PLBD1: variants seen among roughly 807,000 people sequenced by gnomAD.
PLBD1 encodes the protein lysosomal leucine aminopeptidase.
PLBD1 carries 60 observed loss-of-function variants against 63.0 expected under a neutral mutation model. The ratio of observed to expected loss-of-function variants is 0.95; its 90% CI spans 0.77 to 1.18. PLBD1 has a LOEUF of 1.18. PLBD1 is among the 50% of genes most tolerant of loss of function. The probability of loss-of-function intolerance (pLI) is 0.00; values close to 1 mark genes in which losing one functional copy is unlikely to be tolerated. For missense variants in PLBD1, 598 were observed against 677.9 expected, an observed-to-expected ratio of 0.88 and a Z score of 1.31; for synonymous variants, 262 against 248.0, an observed-to-expected ratio of 1.06 and a Z score of -0.53.
rs1233168890 is a variant in PLBD1 at position 14,511,791 on chromosome 12, T to C, written c.845-80A>G. On this transcript the variant is annotated intron_variant, in intron 6 of 10. Coordinates refer to ENST00000240617, the MANE Select transcript of PLBD1 (RefSeq NM_024829.6). Reference sequence around the variant, plus strand: ...ATCATTATTGACAAAGAGCTTTACATACACAATGCATTTTGCAAAGTGTAT... The same window carrying C: ...ATCATTATTGACAAAGAGCTTTACACACACAATGCATTTTGCAAAGTGTAT... The C allele has an allele frequency of 4.4e-6, 6 of 1,355,004 alleles. 1 individual carries two copies. The South Asian group carries it at 6.1e-5, about 14-fold the overall frequency. The allele number at this position is 1,355,004 out of a possible 1,614,324, so 83.9% of individuals were successfully genotyped here.
intron 6 of PLBD1, among the ~76,000 whole-genome samples, chr12:14,526,457 A>G (rs1187091662): frequency 6.6e-6 from 1 of 152,204 alleles, no homozygotes; most frequent in Non-Finnish European, 1.5e-5. Flanking sequence ...TAGGTTTTAG[A>G]AAATCAAATG....
rs74761268 is a variant in PLBD1, at chr12:14,541,908, T to C, written c.419+300A>G. ...CCTGAAAAAAGGAGAAGGGCCTCCATGAGGAACAGACCCAGGGACTTAACA... is the reference window on the plus strand; with the variant it reads ...CCTGAAAAAAGGAGAAGGGCCTCCACGAGGAACAGACCCAGGGACTTAACA... On this transcript the variant is annotated intron_variant, in intron 3 of 10. Transcript: ENST00000240617. Among the ~76,000 whole-genome samples the C allele has an allele frequency of 2.8e-3, 429 of 152,324 alleles. 3 individuals carry two copies. The highest frequency in any genetic ancestry group is 9.4e-3 in the African/African-American group (391 of 41,578).
intron 2 of PLBD1, among the ~76,000 whole-genome samples, chr12:14,545,935 C>T (rs1319234424): frequency 6.6e-6 from 1 of 152,022 alleles, no homozygotes; most frequent in East Asian, 1.9e-4. Context: ...CTTTCTACCA[C>T]CTCTTAATAC....
At chr12:14,555,298 G>A (rs1314183614) in intron 1 of PLBD1, among the ~76,000 whole-genome samples, 3 of 152,124 alleles carry the variant, frequency 2.0e-5, no homozygotes, top group Non-Finnish European at 4.4e-5. Context: ...AGCACTTTGG[G>A]AGACCAAGGA....
At chr12:14,531,366 A>C (rs1325415720) in intron 6 of PLBD1, among the ~76,000 whole-genome samples, 3 of 152,184 alleles carry the variant, frequency 2.0e-5, no homozygotes, top group African/African-American at 4.8e-5. Context: ...TTGCCTCTGC[A>C]GTTCCCTAAC....
rs528613634 is a variant in PLBD1, at chr12:14,549,135, C to T, written c.335+4058G>A. Among the ~76,000 whole-genome samples, 4 of 152,310 alleles carry T rather than the reference C, an allele frequency of 2.6e-5. No individual in the cohort carries two copies. In the South Asian group the frequency reaches 6.2e-4, roughly 24 times the overall value. On this transcript the variant is annotated intron_variant, in intron 2 of 10. Transcript: ENST00000240617. Reference sequence around the variant, plus strand: ...TCACACTCCATTACATGGAAATATACCTCATACTTAGAATTTGTTTCTAAT... The same window carrying T: ...TCACACTCCATTACATGGAAATATATCTCATACTTAGAATTTGTTTCTAAT...
At chr12:14,544,009 C>T (rs1023341099) in intron 2 of PLBD1, among the ~76,000 whole-genome samples, 1 of 90,952 alleles carries the variant, frequency 1.1e-5, no homozygotes, top group Non-Finnish European at 2.6e-5. Context: ...ATCTTGGTAT[C>T]TTCTGACACT....
At chr12:14,544,020 A>ATTGCTGATGATCAGCAATATGC (rs78975968) in intron 2 of PLBD1, among the ~76,000 whole-genome samples, 45,063 of 151,662 alleles carry the variant, frequency 0.3, 7,233 homozygotes, top group East Asian at 0.56. Context: ...TTCTGACACT[A>ATTGCTGATGATCAGCAATATGC]TTGCTGATGA....
At chr12:14,553,718 C>T in intron 1 of PLBD1, 1 of 419,648 alleles carries the variant, frequency 2.4e-6, no homozygotes, top group Non-Finnish European at 4.4e-6. Flanking sequence ...GGAGCTGGAC[C>T]TTACGCCTAC....
At chr12:14,546,796 C>T (rs1466078709) in intron 2 of PLBD1, among the ~76,000 whole-genome samples, 1 of 152,188 alleles carries the variant, frequency 6.6e-6, no homozygotes, top group East Asian at 1.9e-4. Flanking sequence ...AGGATGTCTA[C>T]TATATAACCA....
intron 1 of PLBD1, among the ~76,000 whole-genome samples, chr12:14,564,009 G>A (rs915376475): frequency 4.6e-5 from 7 of 152,232 alleles, no homozygotes; most frequent in Non-Finnish European, 8.8e-5. Context: ...AAATGAACCT[G>A]TGGGAGGATC....
chr12:14,516,256 G>A (rs1291691300), intron 6 of PLBD1, among the ~76,000 whole-genome samples: 1 of 152,186 alleles, frequency 6.6e-6, no homozygotes, highest in Non-Finnish European at 1.5e-5. Context: ...TTGAACCCAG[G>A]AGGCGGAGGC....
chr12:14,505,242 T>C (rs1945244309), intron 10 of PLBD1, among the ~76,000 whole-genome samples: 1 of 152,066 alleles, frequency 6.6e-6, no homozygotes, highest in African/African-American at 2.4e-5. Flanking sequence ...ATTAGGCTGA[T>C]AGAGAATCAT....
chr12:14,545,824 C>T (rs1179543627), intron 2 of PLBD1, among the ~76,000 whole-genome samples: 2 of 150,810 alleles, frequency 1.3e-5, no homozygotes, highest in South Asian at 4.2e-4. Flanking sequence ...ATTTTTTTTT[C>T]AAATTACCTG....
intron 6 of PLBD1, among the ~76,000 whole-genome samples, chr12:14,534,165 T>C (rs1945490491): frequency 6.6e-6 from 1 of 152,082 alleles, no homozygotes; most frequent in Non-Finnish European, 1.5e-5. Flanking sequence ...TAAAAAGGAA[T>C]TTCTGATAGG....
chr12:14,540,214 C>G (rs1196181633), intron 4 of PLBD1, among the ~76,000 whole-genome samples: 1 of 139,584 alleles, frequency 7.2e-6, no homozygotes, highest in Non-Finnish European at 1.5e-5. Context: ...CAAAATAGAC[C>G]AAAAGACAGT....
At chr12:14,564,869 T>C (rs1945768402) in intron 1 of PLBD1, among the ~76,000 whole-genome samples, 1 of 152,244 alleles carries the variant, frequency 6.6e-6, no homozygotes, top group African/African-American at 2.4e-5. Flanking sequence ...ATCATAGGTC[T>C]GCCAAATCAC....
At position 14,513,580 on chromosome 12, in the gene PLBD1, GA is replaced by G. The variant is rs1400892672; in HGVS notation, c.845-1870del. ...AGGTAAGAGCATGGACTGGGAGTCA[GA>G]AGACCTGCATTTTAGTTTCCTGCTT... On this transcript the variant is annotated intron_variant, in intron 6 of 10. Coordinates refer to ENST00000240617, the MANE Select transcript of PLBD1 (RefSeq NM_024829.6). 7.9e-5 allele frequency among the ~76,000 whole-genome samples: 12 copies of G among 152,168 alleles called. No homozygotes were observed. The South Asian group carries it at 2.5e-3, about 31-fold the overall frequency.
intron 4 of PLBD1, among the ~76,000 whole-genome samples, chr12:14,538,560 T>C (rs1945539136): frequency 6.6e-6 from 1 of 152,206 alleles, no homozygotes; most frequent in Admixed American, 6.5e-5. Context: ...CTACTCTTTT[T>C]TGATGAATTT....
Sources: allele counts gnomAD v4.1 joint callset (sites outside exome capture counted in the v4.1 genomes callset), GRCh38; gene constraint gnomAD v4.1.1; transcripts MANE v1.5; gene names NCBI Gene and HGNC (gene_info 2026-07-23, HGNC 2026-07-21).